Variants in CNTN5 observed in about 807,000 individuals in gnomAD.
CNTN5 encodes the protein contactin-5.
Under a neutral mutation model 129.1 loss-of-function variants are expected in CNTN5, and 77 were observed. The observed-to-expected ratio is 0.60, with a 90% CI of 0.50 to 0.72. CNTN5 has a LOEUF of 0.72. CNTN5 is among the 30% of genes least tolerant of loss of function. The pLI, the probability that CNTN5 is intolerant of heterozygous loss-of-function variation, is 0.00. For synonymous variants in CNTN5, 509 were observed against 465.6 expected, an observed-to-expected ratio of 1.09 and a Z score of -1.20; for missense variants, 1,478 against 1,328.8, an observed-to-expected ratio of 1.11 and a Z score of -1.75.
At chr11:99,596,395 T>G (rs1198007869) in intron 3 of CNTN5, among the ~76,000 whole-genome samples, 1 of 152,130 alleles carries the variant, frequency 6.6e-6, no homozygotes, top group African/African-American at 2.4e-5. Flanking sequence ...AAATGCAATG[T>G]GAAGAAAAGA....
intron 2 of CNTN5, among the ~76,000 whole-genome samples, chr11:99,360,845 G>A (rs1939060247): frequency 6.6e-6 from 1 of 152,174 alleles, no homozygotes; most frequent in Non-Finnish European, 1.5e-5. Context: ...GAATATTTCA[G>A]ATCTCTAAGT....
intron 3 of CNTN5, among the ~76,000 whole-genome samples, chr11:99,625,858 G>A (rs1220447559): frequency 6.6e-6 from 1 of 151,008 alleles, no homozygotes; most frequent in Non-Finnish European, 1.5e-5. Flanking sequence ...AGTGAAATAT[G>A]ATCTTTATGT....
rs184696467 is a variant in CNTN5 at position 99,170,827 on chromosome 11, C to T, written c.-210+149557C>T. Among the ~76,000 whole-genome samples the T allele has an allele frequency of 6.6e-3, 1,003 of 152,290 alleles. 6 individuals are homozygous for T. Among genetic ancestry groups the T allele is most frequent in the South Asian group, 0.02 (96 of 4,822 alleles). ...ACATATAAGTTCAATTCCTTATAAT[C>T]CTGTTTTCTCAGTGCTAAATAGTCA... is the stretch of plus-strand genomic sequence containing the variant. On this transcript the variant is annotated intron_variant, in intron 1 of 24. Transcript: ENST00000524871.
intron 8 of CNTN5, among the ~76,000 whole-genome samples, chr11:99,963,161 A>C (rs1459027720): frequency 4.6e-5 from 7 of 152,188 alleles, no homozygotes; most frequent in African/African-American, 2.4e-5. Flanking sequence ...TCTTTAGTTT[A>C]ATTAGATCCC....
At chr11:100,123,340 T>C (rs886607793) in intron 13 of CNTN5, among the ~76,000 whole-genome samples, 3 of 151,998 alleles carry the variant, frequency 2.0e-5, no homozygotes, top group Non-Finnish European at 4.4e-5. Flanking sequence ...ATATGTCTAG[T>C]CTTAATATTC....
At chr11:100,080,819 A>C (rs1369958331) in intron 13 of CNTN5, among the ~76,000 whole-genome samples, 1 of 152,172 alleles carries the variant, frequency 6.6e-6, no homozygotes, top group East Asian at 1.9e-4. Context: ...TAAATCAAGA[A>C]TGTACAATTT....
intron 6 of CNTN5, among the ~76,000 whole-genome samples, chr11:99,908,756 A>G (rs1949577312): frequency 6.6e-6 from 1 of 152,126 alleles, no homozygotes; most frequent in Admixed American, 6.6e-5. Context: ...AAATATTTTT[A>G]TCACATTCTG....
chr11:99,506,585 G>C (rs1946629216), intron 2 of CNTN5, among the ~76,000 whole-genome samples: 1 of 115,944 alleles, frequency 8.6e-6, no homozygotes, highest in South Asian at 3.5e-4. Flanking sequence ...AAAAATTATA[G>C]TGTTTGTATA....
intron 3 of CNTN5, among the ~76,000 whole-genome samples, chr11:99,636,201 T>C (rs895054115): frequency 6.6e-6 from 1 of 152,258 alleles, no homozygotes; most frequent in South Asian, 2.1e-4. Context: ...AATTCTACTT[T>C]TATCTTTAAC....
At chr11:99,447,380 T>TA (rs1170769786) in intron 2 of CNTN5, among the ~76,000 whole-genome samples, 3 of 152,122 alleles carry the variant, frequency 2.0e-5, no homozygotes, top group Non-Finnish European at 4.4e-5. Flanking sequence ...CCTTTAAACT[T>TA]AAAAAAACAG....
At chr11:100,069,320 T>A (rs1379080667) in intron 10 of CNTN5, among the ~76,000 whole-genome samples, 3 of 142,682 alleles carry the variant, frequency 2.1e-5, no homozygotes, top group African/African-American at 8.0e-5. Flanking sequence ...ACCTGAATAA[T>A]TTTTTTTTTT....
rs78522802 is a variant in CNTN5, at chr11:100,328,776, A to G, written c.2731-11687A>G. The stretch of plus-strand genomic sequence containing the variant: ...TCAGACCTTGCAAAAAAGAAAAAAA[A>G]GAAAAAGAAAAACCTGAAGATGGCA... On this transcript the variant is annotated intron_variant, in intron 21 of 24. Transcript: ENST00000524871. Among the ~76,000 whole-genome samples the G allele has an allele frequency of 1.3e-5, 2 of 152,314 alleles. 1 individual carries two copies. The highest frequency in any genetic ancestry group is 4.8e-5 in the African/African-American group (2 of 41,572).
intron 9 of CNTN5, among the ~76,000 whole-genome samples, chr11:100,011,944 C>T (rs1345319617): frequency 1.3e-5 from 2 of 152,104 alleles, no homozygotes; most frequent in South Asian, 4.1e-4. Context: ...AGAACCTGCT[C>T]TTTAGTTACA....
intron 2 of CNTN5, among the ~76,000 whole-genome samples, chr11:99,376,423 A>T (rs1940183324): frequency 6.6e-6 from 1 of 152,152 alleles, no homozygotes; most frequent in African/African-American, 2.4e-5. Flanking sequence ...GTGACGTGGT[A>T]TTCTCTTGGT....
intron 9 of CNTN5, among the ~76,000 whole-genome samples, chr11:100,055,662 T>G (rs1377260992): frequency 1.3e-5 from 2 of 151,620 alleles, no homozygotes; most frequent in African/African-American, 4.8e-5. Context: ...CCAGTAGACA[T>G]GCTAATCATT....
At chr11:100,157,934 A>ATACAAAAGTAAACATAAAAT (rs1947312483) in intron 13 of CNTN5, among the ~76,000 whole-genome samples, 1 of 151,858 alleles carries the variant, frequency 6.6e-6, no homozygotes, top group Non-Finnish European at 1.5e-5. Context: ...AAAGCTCTAA[A>ATACAAAAGTAAACATAAAAT]TACAAAAGTA....
chr11:100,014,509 A>T (rs1940715898), intron 9 of CNTN5, among the ~76,000 whole-genome samples: 1 of 152,122 alleles, frequency 6.6e-6, no homozygotes, highest in South Asian at 2.1e-4. Context: ...TGAACCTGGG[A>T]GGCGGAGGTT....
At chr11:99,810,650 A>G (rs1294776138) in intron 3 of CNTN5, among the ~76,000 whole-genome samples, 1 of 152,168 alleles carries the variant, frequency 6.6e-6, no homozygotes, top group Admixed American at 6.6e-5. Flanking sequence ...GTAAATTATT[A>G]ACCATTTCTA....
Position 99,463,108 on chromosome 11 carries a change from AAAAT to A in CNTN5, c.-70-93001_-70-92998del, listed in dbSNP as rs376289717. Among the ~76,000 whole-genome samples, 205 of 121,140 alleles carry A rather than the reference AAAAT, an allele frequency of 1.7e-3. 1 individual carries two copies. Among genetic ancestry groups the A allele is most frequent in the African/African-American group, 4.6e-3 (146 of 32,004 alleles). 79.5% of individuals were successfully genotyped at this position (121,140 alleles called of 152,430 possible). On this transcript the variant is annotated intron_variant, in intron 2 of 24. Coordinates refer to ENST00000524871, the MANE Select transcript of CNTN5 (RefSeq NM_014361.4). ...GGGCTAGAGAGCAAGACTCCATCTC[AAAAT>A]AAATAAATAAATAAATAAATAAATA...
Sources: allele counts gnomAD v4.1 joint callset (sites outside exome capture counted in the v4.1 genomes callset), GRCh38; gene constraint gnomAD v4.1.1; transcripts MANE v1.5; gene names NCBI Gene and HGNC (gene_info 2026-07-23, HGNC 2026-07-21).